ICA1: variants seen among roughly 807,000 people sequenced by gnomAD.
The protein encoded by ICA1 is islet cell autoantigen 1.
ICA1 carries 40 observed loss-of-function variants against 71.0 expected under a neutral mutation model. That is an observed-to-expected ratio of 0.56 (90% CI 0.44 to 0.73). ICA1 has a LOEUF of 0.73. ICA1 is among the 30% of genes least tolerant of loss of function. The probability of loss-of-function intolerance (pLI) is 0.00; values close to 1 mark genes in which losing one functional copy is unlikely to be tolerated. For synonymous variants in ICA1, 207 were observed against 209.5 expected, an observed-to-expected ratio of 0.99 and a Z score of 0.10; for missense variants, 578 against 576.5, an observed-to-expected ratio of 1.00 and a Z score of -0.03.
At chr7:8,131,751 C>G (rs181507380) in intron 12 of ICA1, among the ~76,000 whole-genome samples, 76 of 152,302 alleles carry the variant, frequency 5.0e-4, no homozygotes, top group Admixed American at 4.2e-3. Flanking sequence ...TGTAACCAGA[C>G]AAGTTGAGAC....
chr7:8,135,629 G>A (rs891504859), intron 12 of ICA1, among the ~76,000 whole-genome samples: 2 of 152,204 alleles, frequency 1.3e-5, no homozygotes, highest in African/African-American at 2.4e-5. Flanking sequence ...TATGACTGCT[G>A]TGGGCTAAAA....
At chr7:8,221,705 G>A (rs1461210404) in intron 4 of ICA1, among the ~76,000 whole-genome samples, 2 of 152,192 alleles carry the variant, frequency 1.3e-5, no homozygotes, top group Non-Finnish European at 2.9e-5. Context: ...GCTTCGAGCT[G>A]AAATAAAGGA....
At chr7:8,121,643 G>A (rs1036971587) in intron 13 of ICA1, among the ~76,000 whole-genome samples, 2 of 152,080 alleles carry the variant, frequency 1.3e-5, no homozygotes, top group Non-Finnish European at 2.9e-5. Flanking sequence ...ATGGTTAGTG[G>A]GTACAAAAAT....
intron 1 of ICA1, among the ~76,000 whole-genome samples, chr7:8,246,379 A>C (rs927838568): frequency 1.3e-5 from 2 of 152,206 alleles, no homozygotes; most frequent in African/African-American, 4.8e-5. Context: ...TTGATATAAC[A>C]ACCTGGGGAG....
At chr7:8,200,007 G>C (rs1191433380) in intron 6 of ICA1, among the ~76,000 whole-genome samples, 3 of 151,834 alleles carry the variant, frequency 2.0e-5, no homozygotes, top group Non-Finnish European at 4.4e-5. Context: ...CACAACAGGG[G>C]GACTACAGTG....
At chr7:8,152,553 TCCAC>T (rs1799212206) in intron 8 of ICA1, among the ~76,000 whole-genome samples, 10 of 27,028 alleles carry the variant, frequency 3.7e-4, no homozygotes, top group East Asian at 2.0e-3. Context: ...CATCACCACC[TCCAC>T]CACCACCACC....
At chr7:8,251,689 G>C (rs1037926635) in intron 1 of ICA1, among the ~76,000 whole-genome samples, 21 of 151,946 alleles carry the variant, frequency 1.4e-4, no homozygotes, top group African/African-American at 4.1e-4. Flanking sequence ...GCTCTCCTCT[G>C]TCTCTTCATC....
intron 12 of ICA1, among the ~76,000 whole-genome samples, chr7:8,136,000 A>T (rs180862156): frequency 2.0e-5 from 3 of 152,324 alleles, no homozygotes; most frequent in South Asian, 2.1e-4. Flanking sequence ...ACATGTGGTC[A>T]TAAGGCAGTT....
rs192815919 is a variant in ICA1, at chr7:8,126,938, G to A, written c.1330+935C>T. ...AATTCTCAGCCAGCACTTGGTTGGT[G>A]TACCTTGAACCCTTACTGATGTTGA... On this transcript the variant is annotated intron_variant, in intron 13 of 13. Coordinates refer to ENST00000402384, the MANE Select transcript of ICA1 (RefSeq NM_001136020.3). Among the ~76,000 whole-genome samples the A allele has an allele frequency of 2.6e-4, 40 of 151,406 alleles. 1 individual carries two copies. The highest frequency in any genetic ancestry group is 1.8e-3 in the Admixed American group (27 of 15,228).
At chr7:8,159,603 G>C (rs1029560921) in intron 6 of ICA1, among the ~76,000 whole-genome samples, 15 of 152,264 alleles carry the variant, frequency 9.9e-5, no homozygotes, top group Non-Finnish European at 4.4e-5. Context: ...GGGAGGCTAA[G>C]GTGGGAGGAT....
At chr7:8,245,382 A>G (rs1260012328) in intron 1 of ICA1, among the ~76,000 whole-genome samples, 1 of 132,576 alleles carries the variant, frequency 7.5e-6, no homozygotes, top group Non-Finnish European at 1.6e-5. Flanking sequence ...GTCACTGGGT[A>G]GAAACATCAC....
chr7:8,168,572 A>T lies in ICA1; in HGVS notation c.580-9920T>A, dbSNP rs77271558. ...AAAATGTTTAGATACCATCTCAAGAACCCCTGGTCAACAATGTTGATCTTA... is the reference window on the plus strand; with the variant it reads ...AAAATGTTTAGATACCATCTCAAGATCCCCTGGTCAACAATGTTGATCTTA... On this transcript the variant is annotated intron_variant, in intron 6 of 13. Transcript: ENST00000402384. Among the ~76,000 whole-genome samples the T allele has an allele frequency of 5.1e-3, 774 of 152,242 alleles. 6 individuals carry two copies. Among genetic ancestry groups the T allele is most frequent in the African/African-American group, 0.017 (699 of 41,546 alleles).
intron 12 of ICA1, among the ~76,000 whole-genome samples, chr7:8,135,318 C>T (rs1045196185): frequency 3.9e-5 from 6 of 152,148 alleles, no homozygotes; most frequent in Admixed American, 1.3e-4. Flanking sequence ...TGAGCCACCG[C>T]GCCCGGCCAG....
chr7:8,246,683 G>A (rs1806147114), intron 1 of ICA1, among the ~76,000 whole-genome samples: 1 of 152,220 alleles, frequency 6.6e-6, no homozygotes, highest in Non-Finnish European at 1.5e-5. Flanking sequence ...GAGAACAGTG[G>A]GGAAGGACAC....
At position 8,221,300 on chromosome 7, in the gene ICA1, C is replaced by T; in HGVS notation, c.355G>A (p.Ala119Thr). The T allele has an allele frequency of 6.2e-7, 1 of 1,613,698 alleles. No individual in the cohort carries two copies. Among genetic ancestry groups the T allele is most frequent in the South Asian group, 1.1e-5 (1 of 91,080 alleles). ...AGKMMQATGK[A>T]LCFSSQQRLA... Reference sequence around the variant, plus strand: ...CTTTGCTGGGAAGAAAAGCAGAGGGCCTTTCCTGTCGCTTGCATCATCTTT... The same window carrying T: ...CTTTGCTGGGAAGAAAAGCAGAGGGTCTTTCCTGTCGCTTGCATCATCTTT... Residue 119 changes from alanine to threonine, a missense_variant, in exon 5 of 14, where the codon GCC becomes ACC. Coordinates refer to ENST00000402384, the MANE Select transcript of ICA1 (RefSeq NM_001136020.3).
chr7:8,178,467 CA>C (rs1291694004), intron 6 of ICA1, among the ~76,000 whole-genome samples: 2 of 152,010 alleles, frequency 1.3e-5, no homozygotes, highest in Admixed American at 1.3e-4. Context: ...AAATGCTAGT[CA>C]AATAATTTTT....
chr7:8,132,192 C>T lies in ICA1; in HGVS notation c.1061-4050G>A, dbSNP rs541863254. 6.6e-6 allele frequency among the ~76,000 whole-genome samples: 1 copy of T among 152,212 alleles called. No individual in the cohort carries two copies. Among genetic ancestry groups the T allele is most frequent in the Non-Finnish European group, 1.5e-5 (1 of 68,038 alleles). On this transcript the variant is annotated intron_variant, in intron 12 of 13. Transcript: ENST00000402384. This position sits in a 1 kb window ranked among gnomAD's most constrained non-coding sequence, Gnocchi z 4.5. Reference sequence around the variant, plus strand: ...CAACTCCGTGACCTTGCAGGCATTGCCTCTCCTTTCTAAGATAAGCCCTCT... The same window carrying T: ...CAACTCCGTGACCTTGCAGGCATTGTCTCTCCTTTCTAAGATAAGCCCTCT...
chr7:8,239,107 C>T (rs1802839433), intron 1 of ICA1, among the ~76,000 whole-genome samples: 2 of 152,190 alleles, frequency 1.3e-5, no homozygotes, highest in Admixed American at 1.3e-4. Flanking sequence ...CTGCAGGGTA[C>T]ATCTGAACGC....
chr7:8,201,539 G>A lies in ICA1; in HGVS notation c.579+16766C>T, dbSNP rs564077076. On this transcript the variant is annotated intron_variant, in intron 6 of 13. Coordinates refer to ENST00000402384, the MANE Select transcript of ICA1 (RefSeq NM_001136020.3). ...AAGGCAGAAGATGAGCTGCCCCACC[G>A]CCTGTTTGGGAGTCTGCAAGAGGGT... Among the ~76,000 whole-genome samples, 8 of 152,234 alleles carry A rather than the reference G, an allele frequency of 5.3e-5. No homozygotes were observed. In the East Asian group the frequency reaches 9.7e-4, roughly 18 times the overall value.
Sources: gnomAD v4.1 joint callset for allele counts (sites outside exome capture counted in the v4.1 genomes callset) on GRCh38, gnomAD v4.1.1 for gene constraint, Gnocchi (gnomAD v3.1) non-coding constraint, MANE v1.5 for transcripts, NCBI Gene and HGNC (gene_info 2026-07-23, HGNC 2026-07-21) for gene names.